TNR: variants seen among roughly 807,000 people sequenced by gnomAD.
TNR encodes tenascin R.
TNR carries 45 observed loss-of-function variants against 150.4 expected under a neutral mutation model. The observed-to-expected ratio is 0.30, with a 90% confidence interval of 0.24 to 0.38. The LOEUF is 0.38. TNR is among the 10% of genes least tolerant of loss of function. The pLI is 1.00. For synonymous variants in TNR, 687 were observed against 678.4 expected, an observed-to-expected ratio of 1.01 and a Z score of -0.20; for missense variants, 1,544 against 1,759.1, an observed-to-expected ratio of 0.88 and a Z score of 2.19.
In TNR at chr1:175,657,883, A is replaced by ATATATG. The variant is rs1464419575; in HGVS notation, c.-165+85342_-165+85343insCATATA. Among the ~76,000 whole-genome samples, 173 of 101,102 alleles carry ATATATG rather than the reference A, an allele frequency of 1.7e-3. 4 individuals are homozygous for ATATATG. The highest frequency in any genetic ancestry group is 7.2e-3 in the East Asian group (30 of 4,180). The allele number at this position is 101,102 out of a possible 152,430, so 66.3% of individuals were successfully genotyped here. On this transcript the variant is annotated intron_variant, in intron 1 of 22. Coordinates refer to ENST00000367674, the MANE Select transcript of TNR (RefSeq NM_003285.3). The stretch of plus-strand genomic sequence containing the variant: ...TATATATATATATATATATATATAT[A>ATATATG]TGTAACAAACCTGCACGTTGTGCAC...
intron 1 of TNR, among the ~76,000 whole-genome samples, chr1:175,644,942 AT>A (rs914232412): frequency 9.2e-5 from 14 of 151,976 alleles, no homozygotes; most frequent in African/African-American, 3.4e-4. Flanking sequence ...ATAAACTTTA[AT>A]TTTTTTTACA....
intron 2 of TNR, among the ~76,000 whole-genome samples, chr1:175,410,299 G>T (rs904831309): frequency 6.6e-6 from 1 of 152,182 alleles, no homozygotes; most frequent in Non-Finnish European, 1.5e-5. Context: ...AAGTTATTTG[G>T]CTTTTACACT....
intron 2 of TNR, among the ~76,000 whole-genome samples, chr1:175,471,796 T>A (rs1260256237): frequency 1.3e-5 from 2 of 152,222 alleles, no homozygotes; most frequent in Non-Finnish European, 2.9e-5. Flanking sequence ...TAGTTTACTG[T>A]AACATTTTTA....
intron 1 of TNR, among the ~76,000 whole-genome samples, chr1:175,681,510 C>G (rs1452533753): frequency 6.6e-6 from 1 of 152,162 alleles, no homozygotes; most frequent in Non-Finnish European, 1.5e-5. Context: ...CGACTTGCCC[C>G]ATTGATCCTT....
At chr1:175,666,290 G>A (rs948711563) in intron 1 of TNR, among the ~76,000 whole-genome samples, 3 of 152,150 alleles carry the variant, frequency 2.0e-5, no homozygotes, top group African/African-American at 7.2e-5. Flanking sequence ...ATAGTCCAAG[G>A]GTGTTGGTGC....
At chr1:175,541,666 C>T (rs1660504276) in intron 1 of TNR, among the ~76,000 whole-genome samples, 1 of 152,128 alleles carries the variant, frequency 6.6e-6, no homozygotes, top group African/African-American at 2.4e-5. Flanking sequence ...TAACATGAAA[C>T]TCCCAACCTG....
intron 1 of TNR, among the ~76,000 whole-genome samples, chr1:175,549,676 A>G (rs183620514): frequency 3.9e-5 from 6 of 152,322 alleles, no homozygotes; most frequent in Admixed American, 3.9e-4. Flanking sequence ...AAGAAATACA[A>G]TGCAAGAGAG....
intron 1 of TNR, among the ~76,000 whole-genome samples, chr1:175,620,722 C>T (rs906839250): frequency 2.6e-5 from 4 of 152,122 alleles, no homozygotes; most frequent in Non-Finnish European, 4.4e-5. Context: ...ACTGGGCTGG[C>T]CTCTGGTGTC....
chr1:175,552,912 T>C (rs1467460572), intron 1 of TNR, among the ~76,000 whole-genome samples: 1 of 152,186 alleles, frequency 6.6e-6, no homozygotes, highest in East Asian at 1.9e-4. Context: ...AGTGTTGACT[T>C]CATGGTTAGA....
intron 1 of TNR, among the ~76,000 whole-genome samples, chr1:175,580,343 A>G (rs1446227369): frequency 6.6e-6 from 1 of 152,230 alleles, no homozygotes; most frequent in Non-Finnish European, 1.5e-5. Flanking sequence ...TACCATTTAA[A>G]TAAATGAATG....
chr1:175,732,092 T>G (rs1667658199), intron 1 of TNR, among the ~76,000 whole-genome samples: 1 of 152,194 alleles, frequency 6.6e-6, no homozygotes, highest in Non-Finnish European at 1.5e-5. Flanking sequence ...TCCCCTTGAA[T>G]CTTCTGGAGG....
At chr1:175,332,755 C>T (rs544332813) in intron 20 of TNR, among the ~76,000 whole-genome samples, 1 of 152,242 alleles carries the variant, frequency 6.6e-6, no homozygotes, top group South Asian at 2.1e-4. Context: ...TTCCTCCATT[C>T]TTCTGACTGA....
chr1:175,443,761 A>G (rs1655904770), intron 2 of TNR, among the ~76,000 whole-genome samples: 1 of 152,130 alleles, frequency 6.6e-6, no homozygotes, highest in African/African-American at 2.4e-5. Context: ...GTTAGTAAGG[A>G]AGGAAGGAAG....
At chr1:175,469,317 G>A (rs1430664823) in intron 2 of TNR, among the ~76,000 whole-genome samples, 1 of 152,124 alleles carries the variant, frequency 6.6e-6, no homozygotes, top group African/African-American at 2.4e-5. Context: ...TATAACACAG[G>A]CTAAGAGAGA....
At chr1:175,442,691 T>C (rs1655850365) in intron 2 of TNR, among the ~76,000 whole-genome samples, 1 of 151,696 alleles carries the variant, frequency 6.6e-6, no homozygotes, top group South Asian at 2.1e-4. Flanking sequence ...TTCCAAGCAT[T>C]AAAGTATAAT....
At chr1:175,526,811 C>A (rs910459931) in intron 2 of TNR, among the ~76,000 whole-genome samples, 2 of 152,286 alleles carry the variant, frequency 1.3e-5, no homozygotes, top group African/African-American at 4.8e-5. Context: ...TGGCTGCCTA[C>A]CTATTTGGTA....
intron 1 of TNR, among the ~76,000 whole-genome samples, chr1:175,629,250 G>T (rs763433055): frequency 6.6e-6 from 1 of 152,106 alleles, no homozygotes; most frequent in Non-Finnish European, 1.5e-5. Context: ...AGGACCCCAG[G>T]CTACGATGTT....
At chr1:175,497,902 G>A (rs887434894) in intron 2 of TNR, among the ~76,000 whole-genome samples, 3 of 152,018 alleles carry the variant, frequency 2.0e-5, no homozygotes, top group Admixed American at 6.6e-5. Context: ...TCCACTAAAA[G>A]TAGAAAAATT....
chr1:175,634,319 T>C (rs1664426639), intron 1 of TNR, among the ~76,000 whole-genome samples: 1 of 152,186 alleles, frequency 6.6e-6, no homozygotes, highest in Non-Finnish European at 1.5e-5. Context: ...CTCCATTTCA[T>C]CCAGCCAGCT....
Sources: gnomAD v4.1 joint callset for allele counts (sites outside exome capture counted in the v4.1 genomes callset) on GRCh38, gnomAD v4.1.1 for gene constraint, MANE v1.5 for transcripts, NCBI Gene and HGNC (gene_info 2026-07-23, HGNC 2026-07-21) for gene names.